OTOGL: variants seen among roughly 807,000 people sequenced by gnomAD.
The protein encoded by OTOGL is otogelin-like protein.
In OTOGL, 285 loss-of-function variants were observed where a neutral mutation model predicts 318.5. That is an observed-to-expected ratio of 0.89 (90% CI 0.81 to 0.99). OTOGL has a LOEUF of 0.99. Ranked by LOEUF, OTOGL falls within the 50% of genes least tolerant of loss-of-function variation. The pLI, the probability that OTOGL is intolerant of heterozygous loss-of-function variation, is 0.00. For missense variants in OTOGL, 2,899 were observed against 2,845.6 expected, an observed-to-expected ratio of 1.02 and a Z score of -0.43; for synonymous variants, 987 against 936.5, an observed-to-expected ratio of 1.05 and a Z score of -0.99.
Position 80,148,708 on chromosome 12 carries a change from G to T in OTOGL, c.-20+49103G>T, listed in dbSNP as rs142631756. Among the ~76,000 whole-genome samples, 1,045 of 152,100 alleles carry T rather than the reference G, an allele frequency of 6.9e-3. 18 individuals are homozygous for T. The highest frequency in any genetic ancestry group is 0.024 in the African/African-American group (1,001 of 41,470). On this transcript the variant is annotated intron_variant, in intron 1 of 58. Transcript: ENST00000547103. The stretch of plus-strand genomic sequence containing the variant: ...AGGTACACGAATCAGATGTAGATTT[G>T]GTTTTTTCACATAGTCCCATATTTC...
rs1395891296 is a variant in OTOGL at position 80,378,487 on chromosome 12, G to T, written c.*439G>T. On this transcript the variant is annotated 3_prime_UTR_variant, in exon 59 of 59. Coordinates refer to ENST00000547103, the MANE Select transcript of OTOGL (RefSeq NM_001378609.3). ...TGTGATCAGTTAAAATTGTCATCTA[G>T]ATAGCAATAAAGAGTGATATGCTTA... 6.3e-6 allele frequency: 1 copy of T among 157,526 alleles called. No individual in the cohort carries two copies. 9.8% of individuals were successfully genotyped at this position (157,526 alleles called of 1,614,324 possible). A position where few individuals can be genotyped will look rare whatever the true frequency, so the allele number is the denominator to read the frequency against.
At chr12:80,354,715 T>A (rs1249410004) in intron 46 of OTOGL, among the ~76,000 whole-genome samples, 4 of 152,224 alleles carry the variant, frequency 2.6e-5, no homozygotes, top group African/African-American at 7.2e-5. Context: ...TTTGAGAATA[T>A]ACACATGTGC....
chr12:80,240,746 TCA>T (rs1243740853), intron 11 of OTOGL, among the ~76,000 whole-genome samples: 16 of 152,084 alleles, frequency 1.1e-4, no homozygotes, highest in African/African-American at 3.6e-4. Context: ...CTACCTAAGG[TCA>T]CAGATTCCTG....
chr12:80,308,003 G>A (rs1187256245), intron 29 of OTOGL, among the ~76,000 whole-genome samples: 1 of 142,812 alleles, frequency 7.0e-6, no homozygotes, highest in Non-Finnish European at 1.5e-5. Flanking sequence ...GCCGGGCAGA[G>A]GCGCCCCTCA....
intron 1 of OTOGL, among the ~76,000 whole-genome samples, chr12:80,199,828 T>C (rs1373319571): frequency 6.6e-6 from 1 of 152,148 alleles, no homozygotes; most frequent in Non-Finnish European, 1.5e-5. Flanking sequence ...TTGCAGCACA[T>C]TACTATCAGA....
At chr12:80,189,126 G>T (rs1012325097) in intron 1 of OTOGL, among the ~76,000 whole-genome samples, 1 of 152,082 alleles carries the variant, frequency 6.6e-6, no homozygotes, top group African/African-American at 2.4e-5. Context: ...AAGGCTTTTT[G>T]GTTAATGTAT....
chr12:80,361,565 T>C (rs1213986919), intron 52 of OTOGL, among the ~76,000 whole-genome samples: 2 of 152,194 alleles, frequency 1.3e-5, no homozygotes, highest in Non-Finnish European at 2.9e-5. Flanking sequence ...ATATACTGTT[T>C]TTCATAATGA....
intron 37 of OTOGL, among the ~76,000 whole-genome samples, chr12:80,330,451 C>G (rs187180675): frequency 5.9e-5 from 9 of 152,092 alleles, no homozygotes; most frequent in Non-Finnish European, 1.2e-4. Context: ...GGAGGTACTT[C>G]GCCTACATCA....
chr12:80,357,835 A>G (rs1376303396), intron 49 of OTOGL, among the ~76,000 whole-genome samples: 2 of 152,196 alleles, frequency 1.3e-5, no homozygotes, highest in South Asian at 2.1e-4. Context: ...AAGGTCATTC[A>G]GAGACTAGTT....
rs138050229 is a variant in OTOGL at position 80,316,429 on chromosome 12, G to C, written c.3634+2098G>C. On this transcript the variant is annotated intron_variant, in intron 32 of 58. Transcript: ENST00000547103. ...AGAAGCAGAATTTTCTATGCATATTGAATCTCTCTACCTCTTGCTACTTGC... is the reference window on the plus strand; with the variant it reads ...AGAAGCAGAATTTTCTATGCATATTCAATCTCTCTACCTCTTGCTACTTGC... Among the ~76,000 whole-genome samples the C allele has an allele frequency of 8.1e-4, 124 of 152,278 alleles. 1 individual carries two copies. Among genetic ancestry groups the C allele is most frequent in the African/African-American group, 2.8e-3 (118 of 41,576 alleles).
At chr12:80,175,699 CT>C (rs766339130) in intron 1 of OTOGL, among the ~76,000 whole-genome samples, 2 of 152,098 alleles carry the variant, frequency 1.3e-5, no homozygotes, top group Non-Finnish European at 2.9e-5. Flanking sequence ...ACTCTATGCA[CT>C]TCAGGTGTGG....
At chr12:80,260,284 T>G (rs917023777) in intron 18 of OTOGL, among the ~76,000 whole-genome samples, 21 of 152,164 alleles carry the variant, frequency 1.4e-4, no homozygotes, top group African/African-American at 5.1e-4. Flanking sequence ...TATTTATTTG[T>G]AGGTCAAAAT....
chr12:80,252,667 C>T (rs1372467729), intron 13 of OTOGL, among the ~76,000 whole-genome samples: 1 of 152,060 alleles, frequency 6.6e-6, no homozygotes, highest in Non-Finnish European at 1.5e-5. Flanking sequence ...CTAAAGAACA[C>T]TGAGGATTTA....
chr12:80,344,573 A>T (rs1316124349), intron 44 of OTOGL, among the ~76,000 whole-genome samples: 1 of 152,198 alleles, frequency 6.6e-6, no homozygotes, highest in African/African-American at 2.4e-5. Context: ...AATGGGCATC[A>T]AATTATGTTG....
chr12:80,311,941 C>G (rs1304453759), intron 30 of OTOGL, among the ~76,000 whole-genome samples: 1 of 151,950 alleles, frequency 6.6e-6, no homozygotes, highest in African/African-American at 2.4e-5. Context: ...GTCAACATTT[C>G]GAAGATCTGC....
chr12:80,206,132 G>T (rs1311321652), intron 1 of OTOGL, among the ~76,000 whole-genome samples: 1 of 152,150 alleles, frequency 6.6e-6, no homozygotes, highest in African/African-American at 2.4e-5. Flanking sequence ...TCTTTTGTCA[G>T]GGTGGAATGA....
rs1370762398 is a variant in OTOGL at position 80,219,869 on chromosome 12, T to G, written c.291T>G (p.Cys97Trp). The part of the protein sequence containing the change: ...NGAFCSKTGT[C>W]DCQIFQALGT... Reference sequence around the variant, plus strand: ...CTTTCTGTTCTAAGACTGGAACATGTGACTGTCAAATATTTCAGGCTCTTG... The same window carrying G: ...CTTTCTGTTCTAAGACTGGAACATGGGACTGTCAAATATTTCAGGCTCTTG... The change falls in exon 6 of 59, where the codon TGT becomes TGG. Residue 97 changes from cysteine to tryptophan, a missense_variant. Around this residue, in one of 3 missense-constraint regions of OTOGL, gnomAD observed 2,607 missense variants for 2,524.9 expected, o/e 1.03. Transcript: ENST00000547103. 6.3e-7 allele frequency: 1 copy of G among 1,594,064 alleles called. No individual in the cohort carries two copies. Among genetic ancestry groups the G allele is most frequent in the South Asian group, 1.1e-5 (1 of 90,644 alleles).
intron 1 of OTOGL, among the ~76,000 whole-genome samples, chr12:80,170,929 C>T (rs1474786700): frequency 2.6e-5 from 4 of 152,012 alleles, no homozygotes; most frequent in African/African-American, 9.7e-5. Flanking sequence ...GGTGGCATAC[C>T]TCAGATTTCT....
rs1236358692 is a variant in OTOGL, at chr12:80,353,518, A to G, written c.5593+8A>G. On this transcript the variant is annotated splice_region_variant and intron_variant, in intron 46 of 58. Transcript: ENST00000547103. ...TTCCAGAGAAAGAGTGTGGTAAGAC[A>G]CAAAGTACAAAATGACTTCTCAGGA... 9 of 1,517,282 alleles carry G rather than the reference A, an allele frequency of 5.9e-6. No homozygotes were observed. Among genetic ancestry groups the G allele is most frequent in the Admixed American group, 2.1e-5 (1 of 48,200 alleles). The allele number at this position is 1,517,282 out of a possible 1,614,324, so 94.0% of individuals were successfully genotyped here.
Sources: gnomAD v4.1 joint callset for allele counts (sites outside exome capture counted in the v4.1 genomes callset) on GRCh38, gnomAD v4.1.1 for gene constraint, gnomAD v4.1.1 regional missense constraint, MANE v1.5 for transcripts, NCBI Gene and HGNC (gene_info 2026-07-23, HGNC 2026-07-21) for gene names.